The following MAD2L1 variants were observed in gnomAD, a reference collection of about 807,000 sequenced individuals.
MAD2L1 encodes the protein mitotic spindle assembly checkpoint protein MAD2A.
In MAD2L1, 10 loss-of-function variants were observed where a neutral mutation model predicts 25.9. The ratio of observed to expected loss-of-function variants is 0.39; its 90% CI spans 0.24 to 0.66. MAD2L1 has a LOEUF of 0.66. Ranked by LOEUF, MAD2L1 falls within the 30% of genes least tolerant of loss-of-function variation. The probability of loss-of-function intolerance (pLI) is 0.49; values close to 1 mark genes in which losing one functional copy is unlikely to be tolerated. For missense variants in MAD2L1, 180 were observed against 246.4 expected, an observed-to-expected ratio of 0.73 and a Z score of 1.80; for synonymous variants, 81 against 91.8, an observed-to-expected ratio of 0.88 and a Z score of 0.67.
At chr4:120,060,814 G>T in intron 4 of MAD2L1, 60 bp downstream of exon 4, 1 of 1,017,868 alleles carries the variant, frequency 9.8e-7, no homozygotes, top group Non-Finnish European at 1.5e-6. Flanking sequence ...GGTGATTACG[G>T]CAGTAGCTTA....
intron 3 of MAD2L1, 123 bp from the exon 4 acceptor site, chr4:120,061,100 G>T (rs1317500767): frequency 8.4e-6 from 5 of 592,248 alleles, no homozygotes; most frequent in African/African-American, 7.6e-5. Flanking sequence ...GCTTATTTGA[G>T]AAAGGAGGTT....
intron 1 of MAD2L1, among the ~76,000 whole-genome samples, chr4:120,066,393 A>C (rs1210855820): frequency 6.6e-6 from 1 of 152,068 alleles, no homozygotes; most frequent in East Asian, 1.9e-4. Flanking sequence ...GGCCCACCCC[A>C]GTCACACCGT....
chr4:120,066,206 C>T (rs1016214663), intron 1 of MAD2L1, among the ~76,000 whole-genome samples: 1 of 152,140 alleles, frequency 6.6e-6, no homozygotes, highest in East Asian at 1.9e-4. Flanking sequence ...CTTCCCCTTT[C>T]CCTCCCAAAT....
Position 120,060,982 on chromosome 4 carries a change from CAA to C in MAD2L1, c.342-7_342-6del. On this transcript the variant is annotated splice_region_variant and splice_polypyrimidine_tract_variant and intron_variant, in intron 3 of 4. Transcript: ENST00000296509. Reference sequence around the variant, plus strand: ...TGAGACTTTTCTCTGGGTGCACTGTCAAAAAAAAATCAAATCAATTAATTCAT... The same window carrying C: ...TGAGACTTTTCTCTGGGTGCACTGTCAAAAAAATCAAATCAATTAATTCAT... 6.6e-7 allele frequency: 1 copy of C among 1,521,318 alleles called. No homozygotes were observed. The highest frequency in any genetic ancestry group is 9.0e-7 in the Non-Finnish European group (1 of 1,106,202). The allele number at this position is 1,521,318 out of a possible 1,614,324, so 94.2% of individuals were successfully genotyped here.
Position 120,060,876 on chromosome 4 carries a change from G to A in MAD2L1, c.443C>T (p.Ser148Phe). 1 of 1,596,382 alleles carries A rather than the reference G, an allele frequency of 6.3e-7. No homozygotes were observed. Among genetic ancestry groups the A allele is most frequent in the Non-Finnish European group, 8.6e-7 (1 of 1,166,794 alleles). Reference protein sequence around the residue: ...TVTFLPLLEVSCSFDLLIYTD... With the variant: ...TVTFLPLLEVFCSFDLLIYTD... ...ACAAGAAGTTGTATAATACTTACAAGAAACTTCCAACAGTGGCAGAAATGT... is the reference window on the plus strand; with the variant it reads ...ACAAGAAGTTGTATAATACTTACAAAAAACTTCCAACAGTGGCAGAAATGT... Residue 148 changes from serine (S) to phenylalanine (F), a missense_variant and splice_region_variant, in exon 4 of 5, where the codon TCT (serine) becomes TTT (phenylalanine). Transcript: ENST00000296509.
chr4:120,066,533 G>A, intron 1 of MAD2L1, 129 bp downstream of exon 1: 2 of 733,300 alleles, frequency 2.7e-6, no homozygotes, highest in South Asian at 2.2e-5. Flanking sequence ...CGTTAGCAAC[G>A]CGTCTGGAGG....
Position 120,056,868 on chromosome 4 carries a change from G to A in MAD2L1, c.*3250C>T, listed in dbSNP as rs904548074. The stretch of plus-strand genomic sequence containing the variant: ...AGGAAGTATGTCAAGAAAATAGCTG[G>A]TTGTGCTTCAGAGAATATGGAATTT... On this transcript the variant is annotated 3_prime_UTR_variant, in exon 5 of 5. Transcript: ENST00000296509. 6.6e-6 allele frequency: 1 copy of A among 152,186 alleles called. No individual in the cohort carries two copies. Among genetic ancestry groups the A allele is most frequent in the Non-Finnish European group, 1.5e-5 (1 of 68,036 alleles). The allele number at this position is 152,186 out of a possible 1,614,324, so 9.4% of individuals were successfully genotyped here.
chr4:120,060,982 C>CAA lies in MAD2L1; in HGVS notation c.342-7_342-6dup. On this transcript the variant is annotated splice_region_variant and splice_polypyrimidine_tract_variant and intron_variant, in intron 3 of 4. Transcript: ENST00000296509. Reference sequence around the variant, plus strand: ...TGAGACTTTTCTCTGGGTGCACTGTCAAAAAAAAATCAAATCAATTAATTC... The same window carrying CAA: ...TGAGACTTTTCTCTGGGTGCACTGTCAAAAAAAAAAATCAAATCAATTAATTC... 38 of 1,521,236 alleles carry CAA rather than the reference C, an allele frequency of 2.5e-5. No individual in the cohort carries two copies. Among genetic ancestry groups the CAA allele is most frequent in the Non-Finnish European group, 3.0e-5 (33 of 1,106,128 alleles). 94.2% of individuals were successfully genotyped at this position (1,521,236 alleles called of 1,614,324 possible).
intron 4 of MAD2L1, 81 bp downstream of exon 4, chr4:120,060,793 T>C (rs781469429): frequency 2.1e-5 from 17 of 822,762 alleles, no homozygotes; most frequent in Non-Finnish European, 3.1e-5. Context: ...TAAGACAAAA[T>C]TTAATAAAGG....
At chr4:120,063,875 T>C (rs1298421811) in intron 2 of MAD2L1, among the ~76,000 whole-genome samples, 1 of 152,084 alleles carries the variant, frequency 6.6e-6, no homozygotes, top group African/African-American at 2.4e-5. Flanking sequence ...CCAGGCACGG[T>C]GGCAGGCGCT....
chr4:120,062,437 A>G (rs1322805045), intron 2 of MAD2L1, among the ~76,000 whole-genome samples: 1 of 152,216 alleles, frequency 6.6e-6, no homozygotes, highest in Non-Finnish European at 1.5e-5. Context: ...AAGATGTAAG[A>G]TGCAATGAGA....
chr4:120,064,395 T>A (rs1405658497), intron 2 of MAD2L1, among the ~76,000 whole-genome samples: 1 of 152,150 alleles, frequency 6.6e-6, no homozygotes, highest in Non-Finnish European at 1.5e-5. Context: ...AATACCAATC[T>A]ACTATAGCAG....
rs1455791240 is a variant in MAD2L1, at chr4:120,066,827, T to C, written c.-93A>G. On this transcript the variant is annotated 5_prime_UTR_variant, in exon 1 of 5. Coordinates refer to ENST00000296509, the MANE Select transcript of MAD2L1 (RefSeq NM_002358.4). ...ACTTCCCCGCCAAGCGTTTCAAAAGTAACGACGCAGCACGTCGTCAGGTCC... is the reference window on the plus strand; with the variant it reads ...ACTTCCCCGCCAAGCGTTTCAAAAGCAACGACGCAGCACGTCGTCAGGTCC... 1.1e-6 allele frequency: 1 copy of C among 937,600 alleles called. No individual in the cohort carries two copies. The highest frequency in any genetic ancestry group is 1.7e-6 in the Non-Finnish European group (1 of 597,634). The allele number at this position is 937,600 out of a possible 1,614,324, so 58.1% of individuals were successfully genotyped here.
chr4:120,062,451 T>TA (rs1360622725), intron 2 of MAD2L1, among the ~76,000 whole-genome samples: 1 of 151,910 alleles, frequency 6.6e-6, no homozygotes, highest in African/African-American at 2.4e-5. Flanking sequence ...AATGAGAGCA[T>TA]AAAAAAAGGA....
At chr4:120,065,579 T>C in intron 2 of MAD2L1, 93 bp downstream of exon 2, 1 of 1,043,396 alleles carries the variant, frequency 9.6e-7, no homozygotes, top group Admixed American at 2.3e-5. Context: ...ATATTTGAGA[T>C]GTCAGTACAC....
intron 1 of MAD2L1, among the ~76,000 whole-genome samples, chr4:120,066,039 A>T (rs1726309946): frequency 6.6e-6 from 1 of 152,118 alleles, no homozygotes; most frequent in South Asian, 2.1e-4. Flanking sequence ...GTGGCAAAAA[A>T]AAAAAGCCAA....
At chr4:120,061,331 A>G (rs1347250671) in intron 3 of MAD2L1, among the ~76,000 whole-genome samples, 3 of 152,214 alleles carry the variant, frequency 2.0e-5, no homozygotes, top group South Asian at 4.1e-4. Context: ...ATGTATTGGT[A>G]TAATCATTTC....
At position 120,056,184 on chromosome 4, in the gene MAD2L1, C is replaced by A. The variant is rs1726106482; in HGVS notation, c.*3934G>T. 6.6e-6 allele frequency: 1 copy of A among 152,136 alleles called. No homozygotes were observed. The highest frequency in any genetic ancestry group is 1.9e-4 in the East Asian group (1 of 5,190). 9.4% of individuals were successfully genotyped at this position (152,136 alleles called of 1,614,324 possible). A position where few individuals can be genotyped will look rare whatever the true frequency, so the allele number is the denominator to read the frequency against. ...TTCCTTGGCCAGGGATAGGAGAGAC[C>A]ACTAAACTTCAAAAACCACGACACA... is the stretch of plus-strand genomic sequence containing the variant. On this transcript the variant is annotated 3_prime_UTR_variant, in exon 5 of 5. Coordinates refer to ENST00000296509, the MANE Select transcript of MAD2L1 (RefSeq NM_002358.4).
At chr4:120,062,523 T>C (rs1007159120) in intron 2 of MAD2L1, among the ~76,000 whole-genome samples, 7 of 152,130 alleles carry the variant, frequency 4.6e-5, no homozygotes, top group African/African-American at 1.4e-4. Flanking sequence ...ATAAACAGCA[T>C]TAAATATGCA....
Sources: allele counts gnomAD v4.1 joint callset (sites outside exome capture counted in the v4.1 genomes callset), GRCh38; gene constraint gnomAD v4.1.1; transcripts MANE v1.5; gene names NCBI Gene and HGNC (gene_info 2026-07-23, HGNC 2026-07-21).